The following KIAA1549L variants were observed in gnomAD, a reference collection of about 807,000 sequenced individuals.
The protein encoded by KIAA1549L is KIAA1549 like.
Under a neutral mutation model 160.7 loss-of-function variants are expected in KIAA1549L, and 88 were observed. That is an observed-to-expected ratio of 0.55 (90% CI 0.46 to 0.65). The LOEUF (loss-of-function observed/expected upper bound fraction) is 0.65, where lower values mean the gene tolerates loss of function less well. Among genes scored for constraint, KIAA1549L ranks in the 30% least tolerant of loss-of-function variants. KIAA1549L has a pLI of 0.00. For synonymous variants in KIAA1549L, 950 were observed against 976.7 expected (o/e 0.97, Z 0.51); for missense variants, 2,258 against 2,437.5 (o/e 0.93, Z 1.55).
chr11:33,666,267 C>A lies in KIAA1549L; in HGVS notation c.6160-1606C>A, dbSNP rs146964514. Among the ~76,000 whole-genome samples, 1,507 of 152,318 alleles carry A rather than the reference C, an allele frequency of 9.9e-3. 7 individuals carry two copies. The highest frequency in any genetic ancestry group is 0.012 in the Non-Finnish European group (823 of 68,012). On this transcript the variant is annotated intron_variant, in intron 20 of 20. Transcript: ENST00000658780. ...AGCTCCTGCTCCAACTCAGAAGGGG[C>A]AGGGCTCCCACTGGCTCTATGGAGT...
chr11:33,550,872 C>G (rs1204832859), intron 4 of KIAA1549L, among the ~76,000 whole-genome samples, 168 bp from the exon 5 acceptor site: 3 of 152,202 alleles, frequency 2.0e-5, no homozygotes, highest in African/African-American at 7.2e-5. Flanking sequence ...TATTTTGAGA[C>G]TTGCCAATCC....
At chr11:33,633,844 G>A (rs1033139558) in intron 16 of KIAA1549L, among the ~76,000 whole-genome samples, 3 of 152,272 alleles carry the variant, frequency 2.0e-5, no homozygotes, top group East Asian at 3.9e-4. Context: ...TCCTATCTGC[G>A]CTTTAGTGTT....
chr11:33,402,694 C>G (rs1253616605), intron 1 of KIAA1549L, among the ~76,000 whole-genome samples: 1 of 152,156 alleles, frequency 6.6e-6, no homozygotes, highest in African/African-American at 2.4e-5. Context: ...TCTTTGAAAA[C>G]CAGAAGCCCT....
intron 1 of KIAA1549L, among the ~76,000 whole-genome samples, chr11:33,408,508 T>C (rs1022790634): frequency 9.4e-5 from 14 of 149,158 alleles, no homozygotes; most frequent in East Asian, 2.0e-4. Flanking sequence ...TATATATATA[T>C]ATACACATGT....
At chr11:33,483,522 C>T (rs1056391252) in intron 1 of KIAA1549L, among the ~76,000 whole-genome samples, 1 of 152,142 alleles carries the variant, frequency 6.6e-6, no homozygotes, top group African/African-American at 2.4e-5. Context: ...CTGGGCATGG[C>T]AGGCACGAGG....
At chr11:33,492,096 A>G (rs1852679790) in intron 1 of KIAA1549L, among the ~76,000 whole-genome samples, 1 of 152,088 alleles carries the variant, frequency 6.6e-6, no homozygotes. Context: ...GCCAGTTGCG[A>G]TGGCTCATGC....
intron 1 of KIAA1549L, among the ~76,000 whole-genome samples, chr11:33,394,422 CAAACAAT>C (rs1233387920): frequency 8.1e-4 from 20 of 24,720 alleles, no homozygotes; most frequent in Admixed American, 5.9e-3. Flanking sequence ...AATAAATAAA[CAAACAAT>C]AAACAATAAA....
chr11:33,380,657 G>A (rs978504482), intron 1 of KIAA1549L, among the ~76,000 whole-genome samples: 2 of 152,060 alleles, frequency 1.3e-5, no homozygotes, highest in Admixed American at 1.3e-4. Context: ...TATTGTGTGT[G>A]AGTCTAAGTC....
intron 13 of KIAA1549L, among the ~76,000 whole-genome samples, chr11:33,604,397 A>ATTCCTTAATCTTCCTTAATC (rs1247576354): frequency 6.6e-6 from 1 of 152,234 alleles, no homozygotes; most frequent in Non-Finnish European, 1.5e-5. Context: ...CAGTACAGAG[A>ATTCCTTAATCTTCCTTAATC]TTCCTTAAAG....
chr11:33,630,461 G>T (rs574533923), intron 16 of KIAA1549L, among the ~76,000 whole-genome samples: 121 of 152,374 alleles, frequency 7.9e-4, no homozygotes, highest in African/African-American at 2.6e-3. Flanking sequence ...CTCCGAGCCA[G>T]GTGCGGGATA....
intron 1 of KIAA1549L, among the ~76,000 whole-genome samples, chr11:33,477,781 A>T (rs186547452): frequency 6.6e-6 from 1 of 151,688 alleles, no homozygotes; most frequent in East Asian, 2.0e-4. Flanking sequence ...ATTTGTCTTT[A>T]TGTTTCTGTC....
chr11:33,464,969 C>A (rs185617475), intron 1 of KIAA1549L, among the ~76,000 whole-genome samples: 1 of 151,582 alleles, frequency 6.6e-6, no homozygotes, highest in Admixed American at 6.6e-5. Flanking sequence ...TCTCTGAGCT[C>A]TGGCCCTTTG....
chr11:33,584,559 A>T (rs938585780), intron 11 of KIAA1549L, among the ~76,000 whole-genome samples: 1 of 152,230 alleles, frequency 6.6e-6, no homozygotes, highest in Non-Finnish European at 1.5e-5. Flanking sequence ...AGGGAAATAT[A>T]CTAACTGTCA....
rs550072834 is a variant in KIAA1549L at position 33,384,922 on chromosome 11, A to C, written c.238+8033A>C. On this transcript the variant is annotated intron_variant, in intron 1 of 20. Coordinates refer to ENST00000658780, the MANE Select transcript of KIAA1549L (RefSeq NM_012194.3). Reference sequence around the variant, plus strand: ...CTGTGGCTTGTCTTTTCATTTTATTAACAGCGTTTTTTTTGTTTTTTGTTT... The same window carrying C: ...CTGTGGCTTGTCTTTTCATTTTATTCACAGCGTTTTTTTTGTTTTTTGTTT... 9.4e-5 allele frequency among the ~76,000 whole-genome samples: 14 copies of C among 148,580 alleles called. No individual in the cohort carries two copies. The East Asian group carries it at 2.5e-3, about 27-fold the overall frequency.
At chr11:33,457,171 G>T (rs1387884912) in intron 1 of KIAA1549L, among the ~76,000 whole-genome samples, 1 of 152,140 alleles carries the variant, frequency 6.6e-6, no homozygotes, top group Non-Finnish European at 1.5e-5. Context: ...CCAGAAGAGG[G>T]GTTTGGGGGA....
intron 1 of KIAA1549L, among the ~76,000 whole-genome samples, chr11:33,528,340 G>A (rs932979806): frequency 4.6e-5 from 7 of 152,192 alleles, no homozygotes; most frequent in African/African-American, 1.7e-4. Context: ...ATGTTGGTAT[G>A]GATGTGGTGA....
intron 1 of KIAA1549L, among the ~76,000 whole-genome samples, chr11:33,483,686 C>T (rs1388763258): frequency 1.3e-5 from 2 of 152,058 alleles, no homozygotes; most frequent in African/African-American, 2.4e-5. Flanking sequence ...GATGGTTTCA[C>T]CCATACTGTT....
At position 33,649,338 on chromosome 11, in the gene KIAA1549L, C is replaced by T. The variant is rs1211343722; in HGVS notation, c.5760+3302C>T. Among the ~76,000 whole-genome samples the T allele has an allele frequency of 2.0e-4, 26 of 128,474 alleles. No homozygotes were observed. The East Asian group carries it at 2.8e-3, about 14-fold the overall frequency. The allele number at this position is 128,474 out of a possible 152,430, so 84.3% of individuals were successfully genotyped here. ...GCAATATAATGAGATCCTGTCTCTACGGGGGAAAAAAAAAAAAAAAAAAAA... is the reference window on the plus strand; with the variant it reads ...GCAATATAATGAGATCCTGTCTCTATGGGGGAAAAAAAAAAAAAAAAAAAA... On this transcript the variant is annotated intron_variant, in intron 17 of 20. Transcript: ENST00000658780.
At chr11:33,585,729 G>C (rs1855792732) in intron 11 of KIAA1549L, among the ~76,000 whole-genome samples, 1 of 152,082 alleles carries the variant, frequency 6.6e-6, no homozygotes, top group South Asian at 2.1e-4. Flanking sequence ...AAATGAGTTG[G>C]GCAACACATG....
Sources: gnomAD v4.1 joint callset for allele counts (sites outside exome capture counted in the v4.1 genomes callset) on GRCh38, gnomAD v4.1.1 for gene constraint, MANE v1.5 for transcripts, NCBI Gene and HGNC (gene_info 2026-07-23, HGNC 2026-07-21) for gene names.